GPHN: variants seen among roughly 807,000 people sequenced by gnomAD.
The protein encoded by GPHN is gephyrin.
A neutral mutation model predicts 95.5 loss-of-function variants in GPHN; 17 were observed. The ratio of observed to expected loss-of-function variants is 0.18; its 90% confidence interval spans 0.12 to 0.27. The LOEUF is 0.27. GPHN is among the 10% of genes least tolerant of loss of function. GPHN has a pLI of 1.00. For synonymous variants in GPHN, 320 were observed against 322.5 expected, an observed-to-expected ratio of 0.99 and a Z score of 0.08; for missense variants, 660 against 978.1, an observed-to-expected ratio of 0.67 and a Z score of 4.34.
chr14:66,875,601 GC>G (rs2063621071), intron 4 of GPHN, among the ~76,000 whole-genome samples: 1 of 150,484 alleles, frequency 6.6e-6, no homozygotes, highest in Non-Finnish European at 1.5e-5. Flanking sequence ...AGCAGGGGTT[GC>G]AATCCTAGTC....
intron 3 of GPHN, among the ~76,000 whole-genome samples, chr14:66,785,599 A>C (rs1290298657): frequency 6.6e-6 from 1 of 151,882 alleles, no homozygotes; most frequent in Admixed American, 6.6e-5. Context: ...TTTCAAGCAC[A>C]CATGAAACAT....
At chr14:66,748,428 A>T in intron 2 of GPHN, among the ~76,000 whole-genome samples, 1 of 152,066 alleles carries the variant, frequency 6.6e-6, no homozygotes, top group Non-Finnish European at 1.5e-5. Flanking sequence ...AGATTTTCCC[A>T]TATACCCCCT....
rs184895224 is a variant in GPHN, at chr14:66,958,867, A to G, written c.829-6324A>G. ...ATTACTATAAAGAAGGGTTTCTTCC[A>G]TTTTGCTATTTTTATATAATATCAT... On this transcript the variant is annotated intron_variant, in intron 8 of 22. Transcript: ENST00000478722. 6.7e-3 allele frequency among the ~76,000 whole-genome samples: 1,017 copies of G among 152,136 alleles called. 15 individuals are homozygous for G. Among genetic ancestry groups the G allele is most frequent in the African/African-American group, 0.023 (969 of 41,538 alleles).
In GPHN at chr14:66,806,961, T is replaced by G. The variant is rs533562030; in HGVS notation, c.202-17513T>G. Reference sequence around the variant, plus strand: ...GTGCCCCACTCTACTGGTACCAATTTACTGAATTAGTCTGTTTTCACACTA... The same window carrying G: ...GTGCCCCACTCTACTGGTACCAATTGACTGAATTAGTCTGTTTTCACACTA... On this transcript the variant is annotated intron_variant, in intron 3 of 22. Transcript: ENST00000478722. 2.5e-3 allele frequency among the ~76,000 whole-genome samples: 382 copies of G among 152,292 alleles called. 1 individual carries two copies. Among genetic ancestry groups the G allele is most frequent in the African/African-American group, 8.6e-3 (358 of 41,558 alleles).
chr14:67,661,927 C>T, the GPHN span, among the ~76,000 whole-genome samples: 1 of 152,068 alleles, frequency 6.6e-6, no homozygotes, highest in Non-Finnish European at 1.5e-5. Context: ...GAGGCCGAGG[C>T]GGGCAGATCA....
At chr14:67,012,290 A>G (rs17183371) in intron 9 of GPHN, among the ~76,000 whole-genome samples, 2,922 of 152,326 alleles carry the variant, frequency 0.019, 38 homozygotes, top group Middle Eastern at 0.034. Flanking sequence ...TTATGAAATC[A>G]TAGCTTTAAT....
the GPHN span, among the ~76,000 whole-genome samples, chr14:67,212,632 T>TTA: frequency 6.9e-6 from 1 of 145,188 alleles, no homozygotes; most frequent in African/African-American, 2.5e-5. Context: ...ATATTATATA[T>TTA]AATATATATT....
At chr14:67,697,135 C>G in the GPHN span, among the ~76,000 whole-genome samples, 1 of 151,934 alleles carries the variant, frequency 6.6e-6, no homozygotes, top group African/African-American at 2.4e-5. Context: ...TGATGTCCAG[C>G]AGGAAGCCAG....
the GPHN span, among the ~76,000 whole-genome samples, chr14:67,495,568 C>T: frequency 1.3e-5 from 2 of 151,850 alleles, no homozygotes; most frequent in Admixed American, 1.3e-4. Flanking sequence ...GTGCAACCTC[C>T]GCCTCCCAGA....
At chr14:67,632,088 G>A in the GPHN span, among the ~76,000 whole-genome samples, 6 of 151,882 alleles carry the variant, frequency 4.0e-5, no homozygotes, top group African/African-American at 1.5e-4. Context: ...GTCTCACTAT[G>A]CTGCCCCAGG....
chr14:67,593,906 A>G, the GPHN span: 1 of 1,613,764 alleles, frequency 6.2e-7, no homozygotes, highest in Non-Finnish European at 8.5e-7. Context: ...ATAACCAAGC[A>G]GACCTAAGAG....
At chr14:66,695,777 A>G (rs1433667941) in intron 2 of GPHN, among the ~76,000 whole-genome samples, 1 of 152,238 alleles carries the variant, frequency 6.6e-6, no homozygotes, top group African/African-American at 2.4e-5. Flanking sequence ...CATTGTAAGT[A>G]TCCAGCTATA....
At chr14:66,656,692 A>G (rs2065327895) in intron 1 of GPHN, among the ~76,000 whole-genome samples, 1 of 152,158 alleles carries the variant, frequency 6.6e-6, no homozygotes, top group Non-Finnish European at 1.5e-5. Flanking sequence ...CTGATCAGTG[A>G]TGTTTGATGT....
At chr14:66,902,479 T>C (rs2065168242) in intron 5 of GPHN, among the ~76,000 whole-genome samples, 1 of 152,128 alleles carries the variant, frequency 6.6e-6, no homozygotes, top group African/African-American at 2.4e-5. Context: ...TTTTTCCTTT[T>C]CAGTATGCTA....
At chr14:67,521,739 C>T in the GPHN span, among the ~76,000 whole-genome samples, 3 of 152,018 alleles carry the variant, frequency 2.0e-5, no homozygotes, top group Non-Finnish European at 4.4e-5. Context: ...ATAAGAAGAG[C>T]AGTAAATTAA....
chr14:67,429,668 A>G, the GPHN span, among the ~76,000 whole-genome samples: 1 of 152,050 alleles, frequency 6.6e-6, no homozygotes, highest in South Asian at 2.1e-4. Flanking sequence ...CCTGAGAGGC[A>G]AAGTTTGCAG....
chr14:67,369,870 T>TC, the GPHN span, among the ~76,000 whole-genome samples: 1 of 152,176 alleles, frequency 6.6e-6, no homozygotes, highest in Non-Finnish European at 1.5e-5. Flanking sequence ...GGGGAGACCC[T>TC]AACCCAGAGG....
the GPHN span, among the ~76,000 whole-genome samples, chr14:67,688,122 T>C: frequency 6.6e-6 from 1 of 152,112 alleles, no homozygotes; most frequent in Non-Finnish European, 1.5e-5. Flanking sequence ...TTTCTAATCA[T>C]CCTTCGGGGC....
At chr14:66,792,842 G>A (rs2060020474) in intron 3 of GPHN, among the ~76,000 whole-genome samples, 1 of 152,226 alleles carries the variant, frequency 6.6e-6, no homozygotes, top group Admixed American at 6.5e-5. Flanking sequence ...TTTATTAACA[G>A]CAAGCCAGTC....
Sources: gnomAD v4.1 joint callset for allele counts (sites outside exome capture counted in the v4.1 genomes callset) on GRCh38, gnomAD v4.1.1 for gene constraint, MANE v1.5 for transcripts, NCBI Gene and HGNC (gene_info 2026-07-23, HGNC 2026-07-21) for gene names.